RIMKLB: variants seen among roughly 807,000 people sequenced by gnomAD.
RIMKLB encodes beta-citrylglutamate synthase B.
In RIMKLB, 7 loss-of-function variants were observed where a neutral mutation model predicts 32.0. The observed-to-expected ratio is 0.22, with a 90% CI of 0.12 to 0.41. The LOEUF (loss-of-function observed/expected upper bound fraction) is 0.41. Among genes scored for constraint, RIMKLB ranks in the 10% least tolerant of loss-of-function variants. The pLI is 1.00. For missense variants in RIMKLB, 289 were observed against 498.7 expected (o/e 0.58, Z 4.00); for synonymous variants, 172 against 185.1 (o/e 0.93, Z 0.57).
chr12:8,763,751 C>T (rs752381865), intron 5 of RIMKLB, among the ~76,000 whole-genome samples: 171 of 152,264 alleles, frequency 1.1e-3, no homozygotes, highest in African/African-American at 3.8e-3. Flanking sequence ...ATCCACGTAC[C>T]GAAGGACAAG....
At chr12:8,704,871 C>G (rs5028499) in intron 1 of RIMKLB, among the ~76,000 whole-genome samples, 152,056 of 152,056 alleles carry the variant, frequency 1, 76,028 homozygotes, top group Non-Finnish European at 1. Context: ...TGTCATCCCA[C>G]CTACTTGGGA....
At position 8,733,133 on chromosome 12, in the gene RIMKLB, T is replaced by C. The variant is rs373713356; in HGVS notation, c.176-16729T>C. Among the ~76,000 whole-genome samples, 35 of 152,274 alleles carry C rather than the reference T, an allele frequency of 2.3e-4. 2 individuals are homozygous for C. The East Asian group carries it at 5.8e-3, about 25-fold the overall frequency. On this transcript the variant is annotated intron_variant, in intron 2 of 5. Transcript: ENST00000535829. ...CCGTAGACATTTTGTTTGAAACAAC[T>C]GGGCAGGAGGTTGCTCTTGGCAGCT...
chr12:8,683,787 G>A (rs908818143), intron 1 of RIMKLB, among the ~76,000 whole-genome samples: 3 of 151,962 alleles, frequency 2.0e-5, no homozygotes, highest in South Asian at 2.1e-4. Context: ...CGCTCCTGCC[G>A]CCCAGGCTAG....
chr12:8,683,995 C>A (rs1448552816), intron 1 of RIMKLB, among the ~76,000 whole-genome samples: 1 of 151,826 alleles, frequency 6.6e-6, no homozygotes, highest in Non-Finnish European at 1.5e-5. Context: ...TGAACCACCC[C>A]CCTCGGCTTC....
chr12:8,700,095 T>A (rs1943257002), intron 1 of RIMKLB: 1 of 152,130 alleles, frequency 6.6e-6, no homozygotes, highest in African/African-American at 2.4e-5. Flanking sequence ...AGAGTGACAA[T>A]AAATTAGCCC....
chr12:8,744,841 ATTCT>A lies in RIMKLB; in HGVS notation c.176-5014_176-5011del, dbSNP rs565330360. 3.4e-3 allele frequency among the ~76,000 whole-genome samples: 521 copies of A among 151,672 alleles called. 18 individuals are homozygous for A. The highest frequency in any genetic ancestry group is 0.011 in the African/African-American group (458 of 41,152). On this transcript the variant is annotated intron_variant, in intron 2 of 5. Transcript: ENST00000535829. ...ATGTCTAATTTTTGCATTTTTTAAA[ATTCT>A]TTCTTTTTTTATTATTGTACTTTAA...
intron 5 of RIMKLB, among the ~76,000 whole-genome samples, chr12:8,766,363 G>A (rs148891419): frequency 1.3e-5 from 2 of 152,134 alleles, no homozygotes; most frequent in Non-Finnish European, 2.9e-5. Context: ...GCCCAACGTT[G>A]CCTTTGCACT....
At chr12:8,737,074 A>G (rs1163616502) in intron 2 of RIMKLB, among the ~76,000 whole-genome samples, 2 of 152,156 alleles carry the variant, frequency 1.3e-5, no homozygotes, top group African/African-American at 4.8e-5. Context: ...TGGCCTCCCA[A>G]AGTGCTGGTA....
intron 2 of RIMKLB, among the ~76,000 whole-genome samples, chr12:8,718,373 C>T (rs984688717): frequency 2.6e-5 from 4 of 152,194 alleles, no homozygotes; most frequent in Non-Finnish European, 5.9e-5. Flanking sequence ...CGGCTGGGCA[C>T]AGTGGCTCAT....
intron 5 of RIMKLB, among the ~76,000 whole-genome samples, chr12:8,762,466 T>C (rs190882076): frequency 1.9e-3 from 290 of 152,152 alleles, no homozygotes; most frequent in African/African-American, 6.7e-3. Flanking sequence ...GTCTTGGTGG[T>C]TCCCTTCTAC....
At chr12:8,777,284 G>A, downstream of RIMKLB, 1 of 946,142 alleles carries the variant, frequency 1.1e-6, no homozygotes, top group Non-Finnish European at 1.2e-6. Context: ...AATACATTTA[G>A]GCACCTTTGG....
chr12:8,678,231 G>T (rs780673724), upstream of RIMKLB, among the ~76,000 whole-genome samples: 1 of 151,850 alleles, frequency 6.6e-6, no homozygotes, highest in Non-Finnish European at 1.5e-5. Flanking sequence ...ACCCAGGCTG[G>T]TCTCGAACTC....
At chr12:8,760,904 T>G (rs1949466086) in intron 5 of RIMKLB, among the ~76,000 whole-genome samples, 1 of 152,234 alleles carries the variant, frequency 6.6e-6, no homozygotes. Context: ...CTGTTCACTC[T>G]GATGGTAGTT....
intron 2 of RIMKLB, among the ~76,000 whole-genome samples, chr12:8,741,064 G>T (rs1378487247): frequency 6.6e-6 from 1 of 152,130 alleles, no homozygotes; most frequent in Non-Finnish European, 1.5e-5. Flanking sequence ...AAAATTAGCT[G>T]GGTGTGGTAG....
chr12:8,696,095 C>A (rs1487762941), upstream of RIMKLB, among the ~76,000 whole-genome samples: 1 of 152,138 alleles, frequency 6.6e-6, no homozygotes, highest in Non-Finnish European at 1.5e-5. Flanking sequence ...ATGCAGTTAC[C>A]ACGAATTGGA....
intron 5 of RIMKLB, among the ~76,000 whole-genome samples, chr12:8,756,586 A>G (rs1472059756): frequency 6.6e-6 from 1 of 152,148 alleles, no homozygotes; most frequent in East Asian, 1.9e-4. Context: ...TATATTGATA[A>G]GTATGAAATT....
intron 2 of RIMKLB, among the ~76,000 whole-genome samples, chr12:8,745,447 T>G (rs1164052629): frequency 2.6e-5 from 4 of 151,786 alleles, no homozygotes; most frequent in African/African-American, 9.7e-5. Context: ...CAGGCTGGAA[T>G]GCAATGGCAG....
downstream of RIMKLB, among the ~76,000 whole-genome samples, chr12:8,781,767 TTCA>T (rs1300668595): frequency 1.3e-5 from 2 of 149,788 alleles, no homozygotes; most frequent in Non-Finnish European, 3.0e-5. Flanking sequence ...ATTTGCATTC[TTCA>T]TTAGAATTTG....
Position 8,774,479 on chromosome 12 carries a change from T to C in RIMKLB, c.*695T>C. On this transcript the variant is annotated 3_prime_UTR_variant, in exon 6 of 6. Transcript: ENST00000535829. The stretch of plus-strand genomic sequence containing the variant: ...GGTATACAAAATAACATTAATTCAA[T>C]GTAGATAAAATTACACTAGTTTAAA... 1 of 984,028 alleles carries C rather than the reference T, an allele frequency of 1.0e-6. No individual in the cohort carries two copies. The highest frequency in any genetic ancestry group is 1.2e-6 in the Non-Finnish European group (1 of 828,342). 61.0% of individuals were successfully genotyped at this position (984,028 alleles called of 1,614,324 possible).
Sources: allele counts gnomAD v4.1 joint callset (sites outside exome capture counted in the v4.1 genomes callset), GRCh38; gene constraint gnomAD v4.1.1; transcripts MANE v1.5; gene names NCBI Gene and HGNC (gene_info 2026-07-23, HGNC 2026-07-21).